The following IQSEC3 variants were observed in gnomAD, a reference collection of about 807,000 sequenced individuals.
IQSEC3 encodes the protein IQ motif and SEC7 domain-containing protein 3.
In IQSEC3, 50 loss-of-function variants were observed where a neutral mutation model predicts 105.4. That is an observed-to-expected ratio of 0.47 (90% CI 0.38 to 0.60). The LOEUF is 0.60. Among genes scored for constraint, IQSEC3 ranks in the 20% least tolerant of loss-of-function variants. IQSEC3 has a pLI of 0.00. For missense variants in IQSEC3, 1,415 were observed against 1,630.0 expected (o/e 0.87, Z 2.27); for synonymous variants, 708 against 746.0 (o/e 0.95, Z 0.83).
chr12:159,889 G>A (rs1052688242), intron 7 of IQSEC3, among the ~76,000 whole-genome samples: 2 of 152,070 alleles, frequency 1.3e-5, no homozygotes, highest in African/African-American at 4.8e-5. Flanking sequence ...TCTGATCCTC[G>A]TAACTTTTAT....
chr12:87,093 A>C (rs1185352592), intron 1 of IQSEC3, among the ~76,000 whole-genome samples: 1 of 151,852 alleles, frequency 6.6e-6, no homozygotes, highest in Non-Finnish European at 1.5e-5. Flanking sequence ...AAATAACAAA[A>C]CAGATCTCTG....
chr12:113,180 T>C (rs1396669848), intron 2 of IQSEC3, among the ~76,000 whole-genome samples: 1 of 152,098 alleles, frequency 6.6e-6, no homozygotes, highest in African/African-American at 2.4e-5. Context: ...AGGACAGAAA[T>C]GATAGGAATG....
chr12:109,447 C>T lies in IQSEC3; in HGVS notation c.623+10233C>T, dbSNP rs778332347. ...CGGCTGCCCCTGGTGGACTCACAGCCTCTCAGTGAAACAGCAGCAAACCTT... is the reference window on the plus strand; with the variant it reads ...CGGCTGCCCCTGGTGGACTCACAGCTTCTCAGTGAAACAGCAGCAAACCTT... On this transcript the variant is annotated intron_variant, in intron 2 of 13. Transcript: ENST00000538872. 2.6e-4 allele frequency among the ~76,000 whole-genome samples: 39 copies of T among 152,222 alleles called. 1 individual carries two copies. Among genetic ancestry groups the T allele is most frequent in the Non-Finnish European group, 4.6e-4 (31 of 68,048 alleles).
At position 125,917 on chromosome 12, in the gene IQSEC3, C is replaced by CCA; in HGVS notation, c.903+6_903+7dup. 6.5e-7 allele frequency: 1 copy of CCA among 1,531,764 alleles called. No homozygotes were observed. Among genetic ancestry groups the CCA allele is most frequent in the South Asian group, 1.2e-5 (1 of 83,962 alleles). 94.9% of individuals were successfully genotyped at this position (1,531,764 alleles called of 1,614,324 possible). A position where few individuals can be genotyped will look rare whatever the true frequency, so the allele number is the denominator to read the frequency against. ...CTTGACCTAAAGAATAAACAGGTAC[C>CCA]CAGGGCCTCCTAGGGGGGCGGGGAG... On this transcript the variant is annotated splice_donor_region_variant and intron_variant, in intron 3 of 13. Coordinates refer to ENST00000538872, the MANE Select transcript of IQSEC3 (RefSeq NM_001170738.2).
chr12:157,413 TG>T, intron 6 of IQSEC3, 114 bp from the exon 7 acceptor site: 1 of 1,249,986 alleles, frequency 8.0e-7, no homozygotes, highest in Non-Finnish European at 1.1e-6. Context: ...CTGGTCTCCC[TG>T]GACCTAAAGC....
rs1241445192 is a variant in IQSEC3, at chr12:175,129, C to G, written c.*96C>G. ...CCCCATACCCTGGCACGATGCGTTC[C>G]TGGTCACTGATCACCATCATTTTGG... On this transcript the variant is annotated 3_prime_UTR_variant, in exon 14 of 14. Coordinates refer to ENST00000538872, the MANE Select transcript of IQSEC3 (RefSeq NM_001170738.2). 1.5e-5 allele frequency: 14 copies of G among 958,306 alleles called. No homozygotes were observed. The highest frequency in any genetic ancestry group is 2.1e-5 in the Non-Finnish European group (14 of 667,846). The allele number at this position is 958,306 out of a possible 1,614,324, so 59.4% of individuals were successfully genotyped here.
chr12:112,332 G>A (rs1864919436), intron 2 of IQSEC3, among the ~76,000 whole-genome samples: 1 of 152,076 alleles, frequency 6.6e-6, no homozygotes, highest in Non-Finnish European at 1.5e-5. Flanking sequence ...GGGGGAGGCC[G>A]AGAAGCAGGC....
chr12:124,353 C>T (rs1434256566), intron 2 of IQSEC3, among the ~76,000 whole-genome samples: 1 of 143,542 alleles, frequency 7.0e-6, no homozygotes, highest in Admixed American at 7.3e-5. Context: ...CTCACCATTG[C>T]ACTCCAGCCT....
At chr12:120,947 C>G (rs903486831) in intron 2 of IQSEC3, among the ~76,000 whole-genome samples, 1 of 152,188 alleles carries the variant, frequency 6.6e-6, no homozygotes, top group Non-Finnish European at 1.5e-5. Context: ...TGACCAGCAT[C>G]GCTCATATAC....
At chr12:117,233 G>A (rs1157281944) in intron 2 of IQSEC3, among the ~76,000 whole-genome samples, 1 of 152,174 alleles carries the variant, frequency 6.6e-6, no homozygotes, top group African/African-American at 2.4e-5. Context: ...GAAAACCAAG[G>A]TGTACAGTGA....
chr12:78,381 G>A (rs1483077128), intron 1 of IQSEC3, among the ~76,000 whole-genome samples: 1 of 152,038 alleles, frequency 6.6e-6, no homozygotes, highest in Non-Finnish European at 1.5e-5. Context: ...GATTGCCTTG[G>A]AGAAGAAGGG....
intron 12 of IQSEC3, 72 bp downstream of exon 12, chr12:169,177 G>A: frequency 1.6e-6 from 2 of 1,244,434 alleles, no homozygotes; most frequent in African/African-American, 3.0e-5. Context: ...TGGGTCCTGG[G>A]CAATCTGCAG....
chr12:139,292 C>T lies in IQSEC3; in HGVS notation c.1929C>T (p.Pro643=), dbSNP rs1865920019. Reference sequence around the variant, plus strand: ...AGAACCCAGCCAGCTGCAAGTCGCCCACGCTCTCCACCGACACCCTGCGCA... The same window carrying T: ...AGAACCCAGCCAGCTGCAAGTCGCCTACGCTCTCCACCGACACCCTGCGCA... ...HCENPASCKS[P]TLSTDTLRKR... The change falls in exon 4 of 14, where the codon CCC becomes CCT. Residue 643 remains proline (P), a synonymous_variant. Transcript: ENST00000538872. 2 of 1,605,570 alleles carry T rather than the reference C, an allele frequency of 1.2e-6. No individual in the cohort carries two copies. Among genetic ancestry groups the T allele is most frequent in the African/African-American group, 1.3e-5 (1 of 74,510 alleles).
intron 3 of IQSEC3, among the ~76,000 whole-genome samples, chr12:135,103 C>T (rs1555086005): frequency 6.6e-6 from 1 of 152,162 alleles, no homozygotes; most frequent in Non-Finnish European, 1.5e-5. Context: ...GCACTCCAGC[C>T]TGGGTGACAG....
At position 146,170 on chromosome 12, in the gene IQSEC3, G is replaced by T. The variant is rs143548134; in HGVS notation, c.2153+4885G>T. Among the ~76,000 whole-genome samples, 8 of 152,362 alleles carry T rather than the reference G, an allele frequency of 5.3e-5. No homozygotes were observed. The East Asian group carries it at 1.3e-3, about 26-fold the overall frequency. ...TCTGTCAAATTCAACAGTCTGGAAG[G>T]CTCTGGCCTTTCATTGCTAGGAAGA... On this transcript the variant is annotated intron_variant, in intron 5 of 13. Coordinates refer to ENST00000538872, the MANE Select transcript of IQSEC3 (RefSeq NM_001170738.2).
chr12:177,762 C>G lies in IQSEC3; in HGVS notation c.*2729C>G, dbSNP rs1001396460. The G allele has an allele frequency of 1.1e-4, 16 of 152,322 alleles. No individual in the cohort carries two copies. The highest frequency in any genetic ancestry group is 3.6e-4 in the African/African-American group (15 of 41,426). 9.4% of individuals were successfully genotyped at this position (152,322 alleles called of 1,614,324 possible). On this transcript the variant is annotated 3_prime_UTR_variant, in exon 14 of 14. Coordinates refer to ENST00000538872, the MANE Select transcript of IQSEC3 (RefSeq NM_001170738.2). This position sits in a 1 kb window ranked among gnomAD's most constrained non-coding sequence, Gnocchi z 5.3. Reference sequence around the variant, plus strand: ...CCCTCTCCATCCCTGTCCCCAGAGCCTAGACCTCAGGGACCTAGGAAAAGC... The same window carrying G: ...CCCTCTCCATCCCTGTCCCCAGAGCGTAGACCTCAGGGACCTAGGAAAAGC...
intron 3 of IQSEC3, among the ~76,000 whole-genome samples, chr12:130,240 G>A (rs1865544141): frequency 6.6e-6 from 1 of 152,234 alleles, no homozygotes; most frequent in Non-Finnish European, 1.5e-5. Context: ...CAGCACCAGT[G>A]TTACTACCTG....
At chr12:140,911 CTT>C (rs1162713131) in intron 4 of IQSEC3, 1 of 478,434 alleles carries the variant, frequency 2.1e-6, no homozygotes, top group Non-Finnish European at 3.6e-6. Context: ...CTGGAATTCA[CTT>C]TGTTTGCAGA....
intron 3 of IQSEC3, chr12:137,464 C>T (rs782532304): frequency 2.0e-5 from 3 of 152,082 alleles, no homozygotes; most frequent in Non-Finnish European, 4.4e-5. Flanking sequence ...GTGTTATAAA[C>T]TCCCCCGTAG....
Sources: allele counts gnomAD v4.1 joint callset (sites outside exome capture counted in the v4.1 genomes callset), GRCh38; gene constraint gnomAD v4.1.1; non-coding constraint Gnocchi (gnomAD v3.1); transcripts MANE v1.5; gene names NCBI Gene and HGNC (gene_info 2026-07-23, HGNC 2026-07-21).